Variants in CMC1 observed in about 807,000 individuals in gnomAD.
CMC1 encodes C-X9-C motif containing 1.
CMC1 carries 14 observed loss-of-function variants against 14.1 expected under a neutral mutation model. The observed-to-expected ratio is 0.99, with a 90% CI of 0.66 to 1.55. CMC1 has a LOEUF of 1.55. Ranked by LOEUF, CMC1 falls within the 40% of genes most tolerant of loss-of-function variation. The probability of loss-of-function intolerance (pLI) is 0.00; values close to 1 mark genes in which losing one functional copy is unlikely to be tolerated. For synonymous variants in CMC1, 50 were observed against 38.4 expected (o/e 1.30, Z -1.12); for missense variants, 127 against 123.8 (o/e 1.03, Z -0.12).
intron 1 of CMC1, among the ~76,000 whole-genome samples, chr3:28,259,016 G>C (rs1470870016): frequency 6.6e-6 from 1 of 152,094 alleles, no homozygotes; most frequent in Non-Finnish European, 1.5e-5. Context: ...TAGTTTTGTA[G>C]TATGACTTGT....
chr3:28,266,055 A>G (rs898988379), intron 2 of CMC1, among the ~76,000 whole-genome samples: 12 of 152,140 alleles, frequency 7.9e-5, no homozygotes, highest in South Asian at 2.1e-4. Flanking sequence ...ATGAATATCA[A>G]TTTCAGCCAG....
intron 1 of CMC1, among the ~76,000 whole-genome samples, chr3:28,254,796 G>A (rs1233702329): frequency 2.0e-5 from 3 of 152,088 alleles, no homozygotes; most frequent in Non-Finnish European, 4.4e-5. Context: ...AATTAATTTT[G>A]TAAATTTTGA....
chr3:28,258,060 TTATATATATATA>T (rs56153777), intron 1 of CMC1, among the ~76,000 whole-genome samples: 1 of 135,430 alleles, frequency 7.4e-6, no homozygotes, highest in Non-Finnish European at 1.6e-5. Context: ...TTGAGCACCT[TTATATATATATA>T]TATATATATA....
chr3:28,289,515 T>C (rs1209097207), intron 2 of CMC1, among the ~76,000 whole-genome samples: 1 of 151,956 alleles, frequency 6.6e-6, no homozygotes, highest in Non-Finnish European at 1.5e-5. Context: ...TGGTGCTCCT[T>C]GAAAGCCAGG....
intron 2 of CMC1, among the ~76,000 whole-genome samples, chr3:28,306,453 A>G (rs1208220215): frequency 1.3e-5 from 2 of 151,830 alleles, no homozygotes; most frequent in Non-Finnish European, 2.9e-5. Context: ...TGTAAATGGG[A>G]TTGAGTTATT....
chr3:28,298,727 A>G lies in CMC1; in HGVS notation c.110-17606A>G, dbSNP rs912509256. ...GAGAATTAAGAAATAAAAGAGGAGGAACATCTATTTCATGTTCTGTTTAGT... is the reference window on the plus strand; with the variant it reads ...GAGAATTAAGAAATAAAAGAGGAGGGACATCTATTTCATGTTCTGTTTAGT... On this transcript the variant is annotated intron_variant, in intron 2 of 3. Transcript: ENST00000466830. 6.6e-5 allele frequency among the ~76,000 whole-genome samples: 10 copies of G among 152,144 alleles called. No homozygotes were observed. In the East Asian group the frequency reaches 1.9e-3, roughly 29 times the overall value.
chr3:28,273,466 T>C (rs1700403034), intron 2 of CMC1, among the ~76,000 whole-genome samples: 1 of 152,184 alleles, frequency 6.6e-6, no homozygotes, highest in Admixed American at 6.6e-5. Flanking sequence ...TCTGAGAGAC[T>C]GTTTGTTATG....
In CMC1 at chr3:28,319,613, T is replaced by C. The variant is rs760627453; in HGVS notation, c.305T>C (p.Leu102Pro). Reference protein sequence around the residue: ...GIPTKKRLQKLPTSM With the variant: ...GIPTKKRLQKPPTSM ...CCTACAAAGAAAAGGCTACAGAAGC[T>C]TCCAACAAGCATGTAGGCAGATACT... Residue 102 changes from leucine to proline, a missense_variant, in exon 4 of 4, where the codon CTT becomes CCT. Leu to Pro is a moderately conservative substitution (Grantham distance 98, BLOSUM62 -3). Coordinates refer to ENST00000466830, the MANE Select transcript of CMC1 (RefSeq NM_182523.2). The C allele has an allele frequency of 3.1e-6, 5 of 1,606,518 alleles. No homozygotes were observed. In the East Asian group the frequency reaches 6.7e-5, roughly 22 times the overall value.
Position 28,280,539 on chromosome 3 carries a change from T to G in CMC1, c.109+17159T>G, listed in dbSNP as rs147473746. Among the ~76,000 whole-genome samples, 98 of 152,274 alleles carry G rather than the reference T, an allele frequency of 6.4e-4. 4 individuals are homozygous for G. In the East Asian group the frequency reaches 0.016, roughly 25 times the overall value. ...AGGTATTTACACTGCTGGCCAGGAA[T>G]AACAGCATGAAAGGAGCTTGTATTT... On this transcript the variant is annotated intron_variant, in intron 2 of 3. Coordinates refer to ENST00000466830, the MANE Select transcript of CMC1 (RefSeq NM_182523.2).
chr3:28,283,567 AG>A (rs377303042), intron 2 of CMC1, among the ~76,000 whole-genome samples: 11 of 134,020 alleles, frequency 8.2e-5, no homozygotes, highest in African/African-American at 2.6e-4. Flanking sequence ...AAAAAAAAAA[AG>A]AAAAGAAGAA....
chr3:28,316,677 TAATA>T (rs573948642), intron 3 of CMC1: 120 of 265,662 alleles, frequency 4.5e-4, no homozygotes, highest in African/African-American at 2.4e-3. Flanking sequence ...TTTCACTATT[TAATA>T]AATCTTTTTT....
intron 2 of CMC1, among the ~76,000 whole-genome samples, chr3:28,307,457 G>A (rs976869739): frequency 6.6e-6 from 1 of 152,070 alleles, no homozygotes; most frequent in Non-Finnish European, 1.5e-5. Context: ...TGAGCCCAGA[G>A]TTCAAGGCTA....
At chr3:28,277,515 A>C (rs1700642597) in intron 2 of CMC1, among the ~76,000 whole-genome samples, 1 of 152,190 alleles carries the variant, frequency 6.6e-6, no homozygotes, top group Non-Finnish European at 1.5e-5. Flanking sequence ...GGGGAGGATA[A>C]ATAATAAACA....
chr3:28,261,207 G>A (rs1391312141), intron 1 of CMC1, among the ~76,000 whole-genome samples: 1 of 151,120 alleles, frequency 6.6e-6, no homozygotes, highest in Non-Finnish European at 1.5e-5. Flanking sequence ...CATATTCTCT[G>A]TTACATCTTG....
rs1703180509 is a variant in CMC1, at chr3:28,321,304, T to C, written c.*1675T>C. On this transcript the variant is annotated 3_prime_UTR_variant, in exon 4 of 4. Coordinates refer to ENST00000466830, the MANE Select transcript of CMC1 (RefSeq NM_182523.2). ...AGATAAATGAAAATGGAAGAGTTACTTTAAGAAGCTAGTGAAATATACAAT... is the reference window on the plus strand; with the variant it reads ...AGATAAATGAAAATGGAAGAGTTACCTTAAGAAGCTAGTGAAATATACAAT... 1 of 151,422 alleles carries C rather than the reference T, an allele frequency of 6.6e-6. No individual in the cohort carries two copies. Among genetic ancestry groups the C allele is most frequent in the Non-Finnish European group, 1.5e-5 (1 of 67,560 alleles). 9.4% of individuals were successfully genotyped at this position (151,422 alleles called of 1,614,324 possible). A position where few individuals can be genotyped will look rare whatever the true frequency, so the allele number is the denominator to read the frequency against.
chr3:28,258,060 T>TTATATA (rs56153777), intron 1 of CMC1, among the ~76,000 whole-genome samples: 3,199 of 135,328 alleles, frequency 0.024, 47 homozygotes, highest in Middle Eastern at 0.041. Flanking sequence ...TTGAGCACCT[T>TTATATA]TATATATATA....
intron 2 of CMC1, among the ~76,000 whole-genome samples, chr3:28,291,615 A>G (rs1701473367): frequency 6.6e-6 from 1 of 152,092 alleles, no homozygotes; most frequent in Non-Finnish European, 1.5e-5. Flanking sequence ...TTTGAGATGA[A>G]TCTTCTTTTT....
At chr3:28,279,649 TA>T (rs1239798802) in intron 2 of CMC1, among the ~76,000 whole-genome samples, 3 of 123,520 alleles carry the variant, frequency 2.4e-5, no homozygotes, top group African/African-American at 8.6e-5. Context: ...ATATAAATTC[TA>T]AAACTGAAAA....
rs141546663 is a variant in CMC1 at position 28,265,586 on chromosome 3, CATG to C, written c.109+2209_109+2211del. Among the ~76,000 whole-genome samples, 465 of 151,886 alleles carry C rather than the reference CATG, an allele frequency of 3.1e-3. 4 individuals carry two copies. The highest frequency in any genetic ancestry group is 5.4e-3 in the Non-Finnish European group (365 of 67,988). ...CTGACTTTCTGCTAAATGCCTAAAA[CATG>C]ATTATGTAGGAAAGCTTTTCCGTTA... On this transcript the variant is annotated intron_variant, in intron 2 of 3. Transcript: ENST00000466830.
Sources: allele counts gnomAD v4.1 joint callset (sites outside exome capture counted in the v4.1 genomes callset), GRCh38; gene constraint gnomAD v4.1.1; transcripts MANE v1.5; gene names NCBI Gene and HGNC (gene_info 2026-07-23, HGNC 2026-07-21).